The following CFDP1 variants were observed in gnomAD, a reference collection of about 807,000 sequenced individuals.
CFDP1 encodes the protein chromatin remodeling protein CFDP1, also known as heterochromatin-stabilizing protein CFDP1.
Under a neutral mutation model 40.1 loss-of-function variants are expected in CFDP1, and 31 were observed. The observed-to-expected ratio is 0.77, with a 90% CI of 0.58 to 1.04. The LOEUF is 1.04. Ranked by LOEUF, CFDP1 falls within the 50% of genes least tolerant of loss-of-function variation. CFDP1 has a pLI of 0.00. For missense variants in CFDP1, 423 were observed against 343.4 expected (o/e 1.23, Z -1.83); for synonymous variants, 167 against 120.0 (o/e 1.39, Z -2.56).
At chr16:75,346,250 T>C (rs541779430) in intron 5 of CFDP1, among the ~76,000 whole-genome samples, 62 of 152,288 alleles carry the variant, frequency 4.1e-4, no homozygotes, top group Non-Finnish European at 6.9e-4. Context: ...GGAATGTCAA[T>C]GTGCTGAAGT....
intron 1 of CFDP1, among the ~76,000 whole-genome samples, chr16:75,427,076 C>G (rs1389525406): frequency 6.6e-6 from 1 of 150,768 alleles, no homozygotes; most frequent in African/African-American, 2.4e-5. Context: ...AAACAAATAT[C>G]TGACAAAGGA....
chr16:75,318,594 CT>C (rs1449578217), intron 5 of CFDP1, among the ~76,000 whole-genome samples: 1 of 151,814 alleles, frequency 6.6e-6, no homozygotes, highest in Non-Finnish European at 1.5e-5. Flanking sequence ...TTAGTAGAGA[CT>C]GGGTTTCACC....
In CFDP1 at chr16:75,293,756, C is replaced by A; in HGVS notation, c.*196G>T. The A allele has an allele frequency of 1.8e-6, 1 of 564,636 alleles. No individual in the cohort carries two copies. The highest frequency in any genetic ancestry group is 2.2e-5 in the South Asian group (1 of 45,712). 35.0% of individuals were successfully genotyped at this position (564,636 alleles called of 1,614,324 possible). A position where few individuals can be genotyped will look rare whatever the true frequency, so the allele number is the denominator to read the frequency against. ...AGGACCAACTTTTATTTTATTTATT[C>A]ATTTAAGGACAAATTTTTAAAAGTA... On this transcript the variant is annotated 3_prime_UTR_variant, in exon 7 of 7. Coordinates refer to ENST00000283882, the MANE Select transcript of CFDP1 (RefSeq NM_006324.3).
At chr16:75,419,673 T>C (rs759629849) in intron 1 of CFDP1, among the ~76,000 whole-genome samples, 2 of 152,060 alleles carry the variant, frequency 1.3e-5, no homozygotes, top group South Asian at 4.1e-4. Context: ...ATACAGGTCA[T>C]AAAGACCTTG....
intron 5 of CFDP1, among the ~76,000 whole-genome samples, chr16:75,381,967 T>A (rs1246577192): frequency 6.6e-6 from 1 of 151,950 alleles, no homozygotes; most frequent in African/African-American, 2.4e-5. Flanking sequence ...TCAGAGACAA[T>A]TAGCCAGGCA....
chr16:75,365,536 G>A (rs577455775), intron 5 of CFDP1, among the ~76,000 whole-genome samples: 1 of 152,308 alleles, frequency 6.6e-6, no homozygotes, highest in Non-Finnish European at 1.5e-5. Flanking sequence ...CAGCTGGAAA[G>A]TGAGGGAGGA....
intron 2 of CFDP1, among the ~76,000 whole-genome samples, chr16:75,413,552 CAAAAAAAA>C (rs9331624): frequency 1.1e-5 from 1 of 90,488 alleles, no homozygotes; most frequent in Non-Finnish European, 2.2e-5. Context: ...GACTCTGTCT[CAAAAAAAA>C]AAAAAAAAAA....
At chr16:75,317,451 A>C (rs1220934136) in intron 5 of CFDP1, among the ~76,000 whole-genome samples, 1 of 152,232 alleles carries the variant, frequency 6.6e-6, no homozygotes, top group East Asian at 1.9e-4. Flanking sequence ...GGAGTAAAGA[A>C]GGCCAGGGGG....
chr16:75,402,457 C>T (rs1185179140), intron 4 of CFDP1, among the ~76,000 whole-genome samples: 21 of 152,122 alleles, frequency 1.4e-4, no homozygotes, highest in Non-Finnish European at 2.9e-4. Context: ...CCCCCATTCC[C>T]CTAGGTTAAT....
chr16:75,297,632 A>G (rs2078193353), intron 6 of CFDP1, among the ~76,000 whole-genome samples: 1 of 152,198 alleles, frequency 6.6e-6, no homozygotes, highest in Admixed American at 6.5e-5. Context: ...TCCACAGGGA[A>G]GCCTAGTGGT....
intron 5 of CFDP1, among the ~76,000 whole-genome samples, chr16:75,374,316 A>G (rs565292800): frequency 6.6e-6 from 1 of 152,316 alleles, no homozygotes; most frequent in African/African-American, 2.4e-5. Flanking sequence ...AGATAAATGT[A>G]TAGGCAATAA....
chr16:75,327,292 A>G (rs900909059), intron 5 of CFDP1, among the ~76,000 whole-genome samples: 1 of 152,104 alleles, frequency 6.6e-6, no homozygotes, highest in African/African-American at 2.4e-5. Flanking sequence ...ACAAAAAACC[A>G]GGGGAATAAA....
intron 4 of CFDP1, chr16:75,406,511 G>C (rs2079100270): frequency 6.6e-6 from 1 of 151,198 alleles, no homozygotes; most frequent in African/African-American, 2.4e-5. Context: ...TATCAGCCCA[G>C]CCAACATGGT....
At chr16:75,404,502 T>G (rs2079082104) in intron 4 of CFDP1, among the ~76,000 whole-genome samples, 1 of 152,092 alleles carries the variant, frequency 6.6e-6, no homozygotes, top group Non-Finnish European at 1.5e-5. Context: ...AATACAGGCA[T>G]GAGCCACCGC....
chr16:75,428,545 AG>A (rs1047850890), intron 1 of CFDP1, among the ~76,000 whole-genome samples: 1 of 151,946 alleles, frequency 6.6e-6, no homozygotes, highest in Non-Finnish European at 1.5e-5. Flanking sequence ...TGAACCCGGA[AG>A]GCGGAAGTTG....
At chr16:75,383,693 C>A (rs1023568244) in intron 5 of CFDP1, among the ~76,000 whole-genome samples, 1 of 151,980 alleles carries the variant, frequency 6.6e-6, no homozygotes, top group Non-Finnish European at 1.5e-5. Context: ...GTGGTGGGCG[C>A]CTTTAGTCCC....
chr16:75,375,849 T>A (rs534263611), intron 5 of CFDP1, among the ~76,000 whole-genome samples: 2 of 151,294 alleles, frequency 1.3e-5, no homozygotes, highest in Admixed American at 6.6e-5. Flanking sequence ...ATGGACCAAG[T>A]AGAACCCTCA....
chr16:75,387,242 G>A (rs887768826), intron 5 of CFDP1, among the ~76,000 whole-genome samples: 10 of 151,422 alleles, frequency 6.6e-5, no homozygotes, highest in East Asian at 3.9e-4. Context: ...CCGGGCTCAC[G>A]CCATTCTCGT....
intron 5 of CFDP1, among the ~76,000 whole-genome samples, chr16:75,386,462 C>T (rs8062107): frequency 0.026 from 3,921 of 152,286 alleles, 201 homozygotes; most frequent in African/African-American, 0.09. Context: ...CAGTGGCTCA[C>T]GCCTGTAATC....
Sources: allele counts gnomAD v4.1 joint callset (sites outside exome capture counted in the v4.1 genomes callset), GRCh38; gene constraint gnomAD v4.1.1; transcripts MANE v1.5; gene names NCBI Gene and HGNC (gene_info 2026-07-23, HGNC 2026-07-21).